Variants in LRRC53 observed in about 807,000 individuals in gnomAD.
LRRC53 encodes leucine-rich repeat-containing protein 53.
LRRC53 carries 25 observed loss-of-function variants against 13.6 expected under a neutral mutation model. The ratio of observed to expected loss-of-function variants is 1.83; its 90% confidence interval spans 1.34 to 2.56. LRRC53 has a LOEUF of 2.56. LRRC53 is among the 30% of genes most tolerant of loss of function. The pLI, the probability that LRRC53 is intolerant of heterozygous loss-of-function variation, is 0.00. For missense variants in LRRC53, 527 were observed against 275.8 expected (o/e 1.91, Z -6.45); for synonymous variants, 204 against 109.8 (o/e 1.86, Z -5.37).
intron 1 of LRRC53, among the ~76,000 whole-genome samples, chr1:74,497,358 T>C (rs145964070): frequency 6.6e-6 from 1 of 152,206 alleles, no homozygotes; most frequent in East Asian, 1.9e-4. Context: ...CTTGCACTCT[T>C]TTTTGTACTA....
rs1286862707 is a variant in LRRC53, at chr1:74,480,577, C to A, written c.480G>T (p.Arg160Ser). The change falls in exon 3 of 5, where the codon AGG becomes AGT. Residue 160 changes from arginine to serine, a missense_variant. Arg to Ser is a moderately radical substitution (Grantham distance 110, BLOSUM62 -1). Coordinates refer to ENST00000294635, the MANE Select transcript of LRRC53 (RefSeq NM_001382280.1). ...TAAAATTGTTGGATAAATCCAGATA[C>A]CTGAGACTGTGGAGATTCGTGCCTC... is the stretch of plus-strand genomic sequence containing the variant. Reference protein sequence around the residue: ...SFGGTNLHSLRYLDLSNNFIS... With the variant: ...SFGGTNLHSLSYLDLSNNFIS... The A allele has an allele frequency of 1.4e-6, 1 of 717,318 alleles. No homozygotes were observed. Among genetic ancestry groups the A allele is most frequent in the Non-Finnish European group, 2.6e-6 (1 of 385,098 alleles). 44.4% of individuals were successfully genotyped at this position (717,318 alleles called of 1,614,324 possible). A position where few individuals can be genotyped will look rare whatever the true frequency, so the allele number is the denominator to read the frequency against.
At chr1:74,512,837 C>T (rs1445586014), upstream of LRRC53, among the ~76,000 whole-genome samples, 3 of 152,170 alleles carry the variant, frequency 2.0e-5, no homozygotes, top group Non-Finnish European at 4.4e-5. Flanking sequence ...TGGGCACCCC[C>T]TGCAGCATGC....
At chr1:74,507,291 G>C (rs560616264) in intron 1 of LRRC53, among the ~76,000 whole-genome samples, 2 of 140,318 alleles carry the variant, frequency 1.4e-5, no homozygotes, top group Non-Finnish European at 3.0e-5. Flanking sequence ...CAATCCCAAT[G>C]TCTCCTCCTG....
chr1:74,482,999 G>GTGTAGC (rs1668580520), intron 2 of LRRC53, among the ~76,000 whole-genome samples: 1 of 152,200 alleles, frequency 6.6e-6, no homozygotes, highest in Non-Finnish European at 1.5e-5. Context: ...TTTGTTAAGT[G>GTGTAGC]TGTAGCTGGA....
chr1:74,504,078 G>A (rs1273339143), intron 1 of LRRC53, among the ~76,000 whole-genome samples: 8 of 152,170 alleles, frequency 5.3e-5, no homozygotes, highest in Non-Finnish European at 1.2e-4. Context: ...TACCCAGACA[G>A]CACTATAGTG....
intron 3 of LRRC53, among the ~76,000 whole-genome samples, chr1:74,478,083 G>A (rs1283892635): frequency 6.6e-6 from 1 of 152,090 alleles, no homozygotes; most frequent in African/African-American, 2.4e-5. Flanking sequence ...AGAAGAAAAT[G>A]GTCTCATAGG....
chr1:74,525,982 A>G, the LRRC53 span, among the ~76,000 whole-genome samples: 1 of 152,202 alleles, frequency 6.6e-6, no homozygotes, highest in Non-Finnish European at 1.5e-5. Flanking sequence ...ACAGAGGAGG[A>G]GAGGAAAGCT....
chr1:74,530,423 T>A, the LRRC53 span, among the ~76,000 whole-genome samples: 1 of 152,160 alleles, frequency 6.6e-6, no homozygotes, highest in Non-Finnish European at 1.5e-5. Context: ...AATGAGTTGT[T>A]AGGTGGGGCA....
At chr1:74,514,766 G>A (rs1039060791), upstream of LRRC53, among the ~76,000 whole-genome samples, 1 of 152,118 alleles carries the variant, frequency 6.6e-6, no homozygotes, top group Non-Finnish European at 1.5e-5. Context: ...TGGTAAAAAT[G>A]TGAAGGGGTA....
chr1:74,474,010 C>A (rs1401835549), intron 4 of LRRC53, among the ~76,000 whole-genome samples: 1 of 152,074 alleles, frequency 6.6e-6, no homozygotes, highest in African/African-American at 2.4e-5. Flanking sequence ...TCCTCAAATA[C>A]CTGCCCTCTC....
At chr1:74,486,415 T>C (rs966363921) in intron 1 of LRRC53, among the ~76,000 whole-genome samples, 4 of 152,030 alleles carry the variant, frequency 2.6e-5, no homozygotes, top group African/African-American at 9.7e-5. Context: ...TACTGAATGG[T>C]AGTATCAATA....
intron 1 of LRRC53, among the ~76,000 whole-genome samples, chr1:74,504,815 C>T (rs1669808914): frequency 6.6e-6 from 1 of 152,170 alleles, no homozygotes; most frequent in South Asian, 2.1e-4. Context: ...GTCAGCAGTG[C>T]TTGTTAGCGA....
chr1:74,516,144 T>G (rs1322754422), upstream of LRRC53, among the ~76,000 whole-genome samples: 3 of 152,222 alleles, frequency 2.0e-5, no homozygotes, highest in Non-Finnish European at 4.4e-5. Flanking sequence ...TTATTGATAA[T>G]AACTCTGGTA....
chr1:74,516,479 G>A (rs2100397519), upstream of LRRC53, among the ~76,000 whole-genome samples: 1 of 152,284 alleles, frequency 6.6e-6, no homozygotes, highest in Non-Finnish European at 1.5e-5. Flanking sequence ...TTTTACTGTG[G>A]GGCTTAGTAT....
Position 74,471,188 on chromosome 1 carries a change from T to G in LRRC53, c.2434A>C (p.Asn812His), listed in dbSNP as rs1419677233. ...CTCTGGTTGACTACACGCAAGTTGT[T>G]AGCACTGAGCAGGGGGGCACGTTTA... is the stretch of plus-strand genomic sequence containing the variant. ...NTKRAPLLSA[N>H]NLRVVNQSSI... Residue 812 changes from asparagine to histidine, a missense_variant, in exon 5 of 5, where the codon AAC (asparagine) becomes CAC (histidine). Physicochemically the swap from Asn to His is moderately conservative, Grantham distance 68. Transcript: ENST00000294635. 1 of 400,608 alleles carries G rather than the reference T, an allele frequency of 2.5e-6. No individual in the cohort carries two copies. The highest frequency in any genetic ancestry group is 2.1e-5 in the African/African-American group (1 of 48,694). The allele number at this position is 400,608 out of a possible 1,614,324, so 24.8% of individuals were successfully genotyped here. A position where few individuals can be genotyped will look rare whatever the true frequency, so the allele number is the denominator to read the frequency against.
intron 1 of LRRC53, among the ~76,000 whole-genome samples, chr1:74,490,283 T>C (rs1668999703): frequency 6.6e-6 from 1 of 152,176 alleles, no homozygotes; most frequent in Admixed American, 6.5e-5. Context: ...AGTAGTCATA[T>C]ATTTGGTGGG....
At chr1:74,493,775 T>A (rs139800138) in intron 1 of LRRC53, among the ~76,000 whole-genome samples, 1 of 152,310 alleles carries the variant, frequency 6.6e-6, no homozygotes, top group African/African-American at 2.4e-5. Flanking sequence ...CAAAGGCTAG[T>A]AACTCAAGAG....
At chr1:74,521,398 T>A in the LRRC53 span, among the ~76,000 whole-genome samples, 2 of 152,212 alleles carry the variant, frequency 1.3e-5, no homozygotes, top group South Asian at 4.1e-4. Context: ...ACCTGGCACA[T>A]AGTTACTGTT....
At chr1:74,534,408 T>C in the LRRC53 span, among the ~76,000 whole-genome samples, 1 of 152,172 alleles carries the variant, frequency 6.6e-6, no homozygotes, top group Non-Finnish European at 1.5e-5. Flanking sequence ...CACTAGCAAA[T>C]ATTCTGAGAA....
Sources: gnomAD v4.1 joint callset for allele counts (sites outside exome capture counted in the v4.1 genomes callset) on GRCh38, gnomAD v4.1.1 for gene constraint, MANE v1.5 for transcripts, NCBI Gene and HGNC (gene_info 2026-07-23, HGNC 2026-07-21) for gene names.